Variants in DYNC1I1 observed in about 807,000 individuals in gnomAD.
DYNC1I1 encodes dynein cytoplasmic 1 intermediate chain 1.
In DYNC1I1, 43 loss-of-function variants were observed where a neutral mutation model predicts 86.6. The observed-to-expected ratio is 0.50, with a 90% CI of 0.39 to 0.64. The LOEUF is 0.64. Ranked by LOEUF, DYNC1I1 falls within the 30% of genes least tolerant of loss-of-function variation. The probability of loss-of-function intolerance (pLI) is 0.00; values close to 1 mark genes in which losing one functional copy is unlikely to be tolerated. For synonymous variants in DYNC1I1, 262 were observed against 283.7 expected (o/e 0.92, Z 0.77); for missense variants, 604 against 788.8 (o/e 0.77, Z 2.81).
At chr7:95,870,026 A>C (rs74419990) in intron 6 of DYNC1I1, 28 bp downstream of exon 6, 2 of 1,581,944 alleles carry the variant, frequency 1.3e-6, no homozygotes, top group Non-Finnish European at 1.7e-6. Flanking sequence ...CTTACTTTCC[A>C]TATTATCTCT....
intron 5 of DYNC1I1, among the ~76,000 whole-genome samples, chr7:95,847,471 T>C (rs1250842063): frequency 1.3e-5 from 2 of 152,222 alleles, no homozygotes; most frequent in Non-Finnish European, 2.9e-5. Flanking sequence ...ACACCTAACA[T>C]TGGCCCCTCA....
chr7:95,786,602 A>G (rs535179737), intron 1 of DYNC1I1, among the ~76,000 whole-genome samples: 2 of 152,282 alleles, frequency 1.3e-5, no homozygotes, highest in Admixed American at 1.3e-4. Flanking sequence ...CATAAAGATA[A>G]ATTTAGCATC....
intron 6 of DYNC1I1, among the ~76,000 whole-genome samples, chr7:95,886,680 A>G (rs1056381051): frequency 6.6e-6 from 1 of 152,228 alleles, no homozygotes; most frequent in South Asian, 2.1e-4. Flanking sequence ...CAAGTATGCC[A>G]CTTGTCTGAC....
At position 96,097,711 on chromosome 7, in the gene DYNC1I1, T is replaced by C; in HGVS notation, c.*118T>C. 1 of 1,440,570 alleles carries C rather than the reference T, an allele frequency of 6.9e-7. No homozygotes were observed. Among genetic ancestry groups the C allele is most frequent in the South Asian group, 1.6e-5 (1 of 64,070 alleles). The allele number at this position is 1,440,570 out of a possible 1,614,324, so 89.2% of individuals were successfully genotyped here. ...ATCAGTATTGCTGTGATATTTTGGG[T>C]GCCATATTGTGCCAGCTTTGCTCCA... On this transcript the variant is annotated 3_prime_UTR_variant, in exon 17 of 17. Coordinates refer to ENST00000447467, the MANE Select transcript of DYNC1I1 (RefSeq NM_001135556.2).
At chr7:95,871,255 A>C (rs1016401909) in intron 6 of DYNC1I1, among the ~76,000 whole-genome samples, 2 of 152,224 alleles carry the variant, frequency 1.3e-5, no homozygotes, top group African/African-American at 4.8e-5. Flanking sequence ...AATGAATTTT[A>C]GAAGCAAACA....
At chr7:95,789,867 T>C (rs1370269973) in intron 1 of DYNC1I1, among the ~76,000 whole-genome samples, 2 of 152,222 alleles carry the variant, frequency 1.3e-5, no homozygotes, top group East Asian at 1.9e-4. Context: ...ATAAATAATA[T>C]GTGTATGTAA....
At chr7:95,833,039 T>C (rs1035058166) in intron 5 of DYNC1I1, among the ~76,000 whole-genome samples, 8 of 149,242 alleles carry the variant, frequency 5.4e-5, no homozygotes, top group African/African-American at 2.0e-4. Context: ...CATGAAGTCC[T>C]AGCCCATGCC....
At chr7:95,850,446 G>C (rs1282082075) in intron 5 of DYNC1I1, among the ~76,000 whole-genome samples, 1 of 151,990 alleles carries the variant, frequency 6.6e-6, no homozygotes, top group Non-Finnish European at 1.5e-5. Flanking sequence ...TGCTCTTTTT[G>C]CATCTATTGA....
rs1289063443 is a variant in DYNC1I1, at chr7:96,003,315, G to A, written c.969+7242G>A. ...CATAAATGAACCCTCTTGTACCTACGTAGCTCACATGGCTACAATGAATTA... is the reference window on the plus strand; with the variant it reads ...CATAAATGAACCCTCTTGTACCTACATAGCTCACATGGCTACAATGAATTA... On this transcript the variant is annotated intron_variant, in intron 10 of 16. Transcript: ENST00000447467. Among the ~76,000 whole-genome samples, 15 of 152,210 alleles carry A rather than the reference G, an allele frequency of 9.9e-5. 1 individual carries two copies. Among genetic ancestry groups the A allele is most frequent in the Admixed American group, 2.6e-4 (4 of 15,278 alleles).
chr7:96,017,043 T>G (rs1444836272), intron 10 of DYNC1I1, among the ~76,000 whole-genome samples: 2 of 152,152 alleles, frequency 1.3e-5, no homozygotes, highest in Non-Finnish European at 2.9e-5. Flanking sequence ...CTACTAATCC[T>G]TCATATTTTA....
chr7:96,075,998 C>T, intron 14 of DYNC1I1, 59 bp from the exon 15 acceptor site: 4 of 1,587,390 alleles, frequency 2.5e-6, no homozygotes, highest in Non-Finnish European at 3.4e-6. Flanking sequence ...ATTAGGCTCT[C>T]TAGACAGCCC....
intron 6 of DYNC1I1, among the ~76,000 whole-genome samples, chr7:95,898,145 A>G (rs2116297450): frequency 6.6e-6 from 1 of 150,738 alleles, no homozygotes; most frequent in African/African-American, 2.4e-5. Context: ...CGCACGGCAC[A>G]TCTGCAAATC....
At chr7:95,968,453 T>G (rs886838369) in intron 6 of DYNC1I1, among the ~76,000 whole-genome samples, 1 of 152,220 alleles carries the variant, frequency 6.6e-6, no homozygotes, top group Admixed American at 6.5e-5. Flanking sequence ...ATAGTGCTTC[T>G]AAATGGTTTC....
At chr7:95,850,278 T>C (rs890563047) in intron 5 of DYNC1I1, among the ~76,000 whole-genome samples, 3 of 152,194 alleles carry the variant, frequency 2.0e-5, no homozygotes, top group Non-Finnish European at 2.9e-5. Flanking sequence ...ATCTTTGCCT[T>C]GTACCAGATC....
chr7:96,001,482 C>T (rs951240031), intron 10 of DYNC1I1, among the ~76,000 whole-genome samples: 3 of 152,070 alleles, frequency 2.0e-5, no homozygotes, highest in Non-Finnish European at 2.9e-5. Context: ...ATTGACTGGG[C>T]GGTTTATAAA....
At chr7:95,782,587 A>G (rs2115659880) in intron 1 of DYNC1I1, among the ~76,000 whole-genome samples, 1 of 152,360 alleles carries the variant, frequency 6.6e-6, no homozygotes, top group East Asian at 1.9e-4. Flanking sequence ...CGAGGGATGC[A>G]TTGTAATTAA....
chr7:96,096,778 G>A (rs1429626068), intron 16 of DYNC1I1, among the ~76,000 whole-genome samples: 2 of 152,058 alleles, frequency 1.3e-5, no homozygotes, highest in Admixed American at 1.3e-4. Context: ...AGATTCCATT[G>A]ACACTTATAT....
intron 6 of DYNC1I1, among the ~76,000 whole-genome samples, chr7:95,954,927 A>AAAAAAAAAAAAAC (rs1792668122): frequency 6.6e-6 from 1 of 151,320 alleles, no homozygotes; most frequent in Non-Finnish European, 1.5e-5. Flanking sequence ...AAAAAAAAAA[A>AAAAAAAAAAAAAC]AAAAAAAAAA....
At chr7:95,950,128 T>C (rs1426632512) in intron 6 of DYNC1I1, among the ~76,000 whole-genome samples, 1 of 152,186 alleles carries the variant, frequency 6.6e-6, no homozygotes, top group Non-Finnish European at 1.5e-5. Flanking sequence ...ATTTCTCTTA[T>C]AGAAAGAAGT....
Sources: gnomAD v4.1 joint callset for allele counts (sites outside exome capture counted in the v4.1 genomes callset) on GRCh38, gnomAD v4.1.1 for gene constraint, MANE v1.5 for transcripts, NCBI Gene and HGNC (gene_info 2026-07-23, HGNC 2026-07-21) for gene names.